The following FRMD3 variants were observed in gnomAD, a reference collection of about 807,000 sequenced individuals.
FRMD3 encodes FERM domain containing 3.
In FRMD3, 33 loss-of-function variants were observed where a neutral mutation model predicts 70.2. The observed-to-expected ratio is 0.47, with a 90% confidence interval of 0.36 to 0.63. FRMD3 has a LOEUF of 0.63. Ranked by LOEUF, FRMD3 falls within the 20% of genes least tolerant of loss-of-function variation. The probability of loss-of-function intolerance (pLI) is 0.00; values close to 1 mark genes in which losing one functional copy is unlikely to be tolerated. For missense variants in FRMD3, 632 were observed against 711.4 expected, an observed-to-expected ratio of 0.89 and a Z score of 1.27; for synonymous variants, 279 against 255.9, an observed-to-expected ratio of 1.09 and a Z score of -0.86.
At chr9:83,313,617 CA>C (rs1272724603) in intron 7 of FRMD3, 42 bp downstream of exon 7, 3 of 1,497,064 alleles carry the variant, frequency 2.0e-6, no homozygotes, top group Non-Finnish European at 2.8e-6. Flanking sequence ...CTCTTTTGGG[CA>C]AAACAACCAT....
intron 1 of FRMD3, among the ~76,000 whole-genome samples, chr9:83,404,505 A>C (rs1826042735): frequency 6.6e-6 from 1 of 152,252 alleles, no homozygotes; most frequent in African/African-American, 2.4e-5. Flanking sequence ...AGCCTGATGG[A>C]ACTGCATAAA....
At chr9:83,446,372 G>A (rs1827462460) in intron 1 of FRMD3, among the ~76,000 whole-genome samples, 1 of 152,202 alleles carries the variant, frequency 6.6e-6, no homozygotes, top group African/African-American at 2.4e-5. Context: ...TGTTGGCCGG[G>A]CGCGGTGGCT....
At chr9:83,332,834 G>A (rs1823435442) in intron 6 of FRMD3, among the ~76,000 whole-genome samples, 1 of 152,192 alleles carries the variant, frequency 6.6e-6, no homozygotes, top group South Asian at 2.1e-4. Flanking sequence ...TAGCTAAGTG[G>A]GAGGGTCACG....
At chr9:83,395,844 T>C (rs1825797332) in intron 1 of FRMD3, among the ~76,000 whole-genome samples, 1 of 152,088 alleles carries the variant, frequency 6.6e-6, no homozygotes, top group Non-Finnish European at 1.5e-5. Flanking sequence ...TTCAGCCTTT[T>C]AGACATTGGT....
chr9:83,484,626 C>T (rs891750487), intron 1 of FRMD3, among the ~76,000 whole-genome samples: 7 of 152,214 alleles, frequency 4.6e-5, no homozygotes, highest in Non-Finnish European at 7.3e-5. Context: ...CCATGTTGGA[C>T]AGACTGGTCT....
chr9:83,284,058 G>GTTTTTTTT (rs1563993854), intron 13 of FRMD3, among the ~76,000 whole-genome samples: 2 of 79,318 alleles, frequency 2.5e-5, no homozygotes, highest in African/African-American at 4.7e-5. Flanking sequence ...AAGCTAGGAT[G>GTTTTTTTT]TTATTTTTTT....
chr9:83,434,057 A>C (rs928166085), intron 1 of FRMD3, among the ~76,000 whole-genome samples: 1 of 152,238 alleles, frequency 6.6e-6, no homozygotes, highest in African/African-American at 2.4e-5. Context: ...CTGGAGCTCC[A>C]AGCCTGAAAG....
chr9:83,269,268 C>G (rs974600545), intron 13 of FRMD3, among the ~76,000 whole-genome samples: 6 of 152,190 alleles, frequency 3.9e-5, no homozygotes, highest in Non-Finnish European at 7.3e-5. Context: ...TATGACCTGA[C>G]AGCTCACTTG....
chr9:83,383,716 T>C (rs2131284409), intron 2 of FRMD3, among the ~76,000 whole-genome samples: 1 of 152,340 alleles, frequency 6.6e-6, no homozygotes, highest in South Asian at 2.1e-4. Flanking sequence ...TCCTGATTTT[T>C]CCTGACTCAA....
chr9:83,368,305 A>G (rs1270398842), intron 3 of FRMD3, among the ~76,000 whole-genome samples: 4 of 147,266 alleles, frequency 2.7e-5, no homozygotes, highest in African/African-American at 1.0e-4. Context: ...CAATTTTACC[A>G]TATGTTAATA....
intron 13 of FRMD3, among the ~76,000 whole-genome samples, chr9:83,249,567 T>C (rs2118519233): frequency 6.6e-6 from 1 of 152,322 alleles, no homozygotes; most frequent in African/African-American, 2.4e-5. Flanking sequence ...AGGCATAACT[T>C]ACTGGTTTTA....
intron 4 of FRMD3, among the ~76,000 whole-genome samples, chr9:83,349,252 T>C (rs1027470811): frequency 6.6e-6 from 1 of 151,974 alleles, no homozygotes; most frequent in Non-Finnish European, 1.5e-5. Context: ...TCCCAGTCGG[T>C]CATTCAGCAA....
At chr9:83,384,680 A>C (rs1825460867) in intron 2 of FRMD3, among the ~76,000 whole-genome samples, 1 of 152,072 alleles carries the variant, frequency 6.6e-6, no homozygotes, top group Non-Finnish European at 1.5e-5. Context: ...AAACCTATTA[A>C]ATCCTCTAGC....
chr9:83,472,639 T>C (rs1046689884), intron 1 of FRMD3, among the ~76,000 whole-genome samples: 2 of 152,138 alleles, frequency 1.3e-5, no homozygotes, highest in African/African-American at 4.8e-5. Context: ...TGAGAACATA[T>C]CTCTACCTTT....
chr9:83,509,900 TA>T (rs929386836), intron 1 of FRMD3, among the ~76,000 whole-genome samples: 2 of 151,932 alleles, frequency 1.3e-5, no homozygotes, highest in African/African-American at 4.8e-5. Context: ...TACAGTGTCT[TA>T]AAAAAAATAA....
chr9:83,418,731 A>G (rs1369897155), intron 1 of FRMD3, among the ~76,000 whole-genome samples: 1 of 152,254 alleles, frequency 6.6e-6, no homozygotes, highest in African/African-American at 2.4e-5. Flanking sequence ...CAATTCCCTA[A>G]AGAACTAAAA....
Position 83,272,792 on chromosome 9 carries a change from G to A in FRMD3, c.1195+17811C>T, listed in dbSNP as rs1361646271. The stretch of plus-strand genomic sequence containing the variant: ...ATGTGGGGAGTGCCTCTGCCCCGCC[G>A]CCCCGTCTGGGATGTGAGGAGCGCC... On this transcript the variant is annotated intron_variant, in intron 13 of 13. Transcript: ENST00000304195. Among the ~76,000 whole-genome samples the A allele has an allele frequency of 8.2e-5, 12 of 145,472 alleles. No homozygotes were observed. The East Asian group carries it at 1.1e-3, about 13-fold the overall frequency.
intron 2 of FRMD3, among the ~76,000 whole-genome samples, chr9:83,380,653 G>A (rs1825325618): frequency 6.6e-6 from 1 of 151,962 alleles, no homozygotes; most frequent in Non-Finnish European, 1.5e-5. Context: ...CCACTGCTAA[G>A]ACAAAAAAAA....
At chr9:83,419,567 G>A (rs1826567666) in intron 1 of FRMD3, among the ~76,000 whole-genome samples, 1 of 151,526 alleles carries the variant, frequency 6.6e-6, no homozygotes, top group Non-Finnish European at 1.5e-5. Context: ...GTTCACGTGT[G>A]TTGAATGTGT....
Sources: allele counts gnomAD v4.1 joint callset (sites outside exome capture counted in the v4.1 genomes callset), GRCh38; gene constraint gnomAD v4.1.1; transcripts MANE v1.5; gene names NCBI Gene and HGNC (gene_info 2026-07-23, HGNC 2026-07-21).